Variants in ATP2C1 observed in about 807,000 individuals in gnomAD.
ATP2C1 encodes the protein ATPase secretory pathway Ca2+ transporting 1.
ATP2C1 carries 31 observed loss-of-function variants against 120.5 expected under a neutral mutation model. The ratio of observed to expected loss-of-function variants is 0.26; its 90% CI spans 0.19 to 0.35. The LOEUF (loss-of-function observed/expected upper bound fraction) is 0.35. Among genes scored for constraint, ATP2C1 ranks in the 10% least tolerant of loss-of-function variants. The probability of loss-of-function intolerance (pLI) is 1.00; values close to 1 mark genes in which losing one functional copy is unlikely to be tolerated. For missense variants in ATP2C1, 731 were observed against 1,107.5 expected (o/e 0.66, Z 4.83); for synonymous variants, 351 against 358.7 (o/e 0.98, Z 0.24).
chr3:131,011,067 AT>A (rs2063300710), intron 26 of ATP2C1, among the ~76,000 whole-genome samples: 1 of 152,196 alleles, frequency 6.6e-6, no homozygotes, highest in Non-Finnish European at 1.5e-5. Flanking sequence ...TCATTGATTT[AT>A]TTCCTTTTGT....
intron 16 of ATP2C1, 134 bp downstream of exon 16, chr3:130,967,553 A>G (rs2061102988): frequency 5.4e-6 from 4 of 745,634 alleles, no homozygotes; most frequent in African/African-American, 1.8e-5. Context: ...TGTTTTTACT[A>G]TCTTTTAGGT....
intron 20 of ATP2C1, among the ~76,000 whole-genome samples, chr3:130,991,786 T>C (rs1285485910): frequency 6.6e-6 from 1 of 152,160 alleles, no homozygotes; most frequent in East Asian, 1.9e-4. Flanking sequence ...AGTTCATCTG[T>C]AGTAAAACCA....
Position 130,999,498 on chromosome 3 carries a change from A to T in ATP2C1, c.2488-20A>T, listed in dbSNP as rs544855495. 20 of 1,612,882 alleles carry T rather than the reference A, an allele frequency of 1.2e-5. No individual in the cohort carries two copies. Among genetic ancestry groups the T allele is most frequent in the Non-Finnish European group, 1.7e-5 (20 of 1,179,342 alleles). Reference sequence around the variant, plus strand: ...TCTGTGACCAAGGAGTAATAAATGAACTCTCTGCTCTGCCAACAGACCAAG... The same window carrying T: ...TCTGTGACCAAGGAGTAATAAATGATCTCTCTGCTCTGCCAACAGACCAAG... On this transcript the variant is annotated intron_variant, in intron 26 of 27. Transcript: ENST00000510168.
At chr3:130,943,289 C>G (rs1379739876) in intron 8 of ATP2C1, among the ~76,000 whole-genome samples, 1 of 152,166 alleles carries the variant, frequency 6.6e-6, no homozygotes, top group Non-Finnish European at 1.5e-5. Context: ...GATCTCAGCT[C>G]ACTGCAGTCT....
chr3:130,998,440 A>T (rs368704690), intron 26 of ATP2C1, 51 bp downstream of exon 26: 8 of 1,350,574 alleles, frequency 5.9e-6, no homozygotes, highest in Admixed American at 1.7e-5. Flanking sequence ...ACTTGAGTAG[A>T]GTGCTTTCTA....
In ATP2C1 at chr3:130,859,543, TTTC is replaced by T. The variant is rs1224429713; in HGVS notation, c.108+8625_108+8627del. 2.0e-5 allele frequency among the ~76,000 whole-genome samples: 3 copies of T among 152,218 alleles called. No homozygotes were observed. The South Asian group carries it at 6.2e-4, about 31-fold the overall frequency. On this transcript the variant is annotated intron_variant, in intron 1 of 26. Coordinates refer to the ATP2C1 transcript ENST00000504381. ...TGTGGCACTTTAACCACTGTTGTTT[TTTC>T]TTCTTCTTCAATCAAGCCTCTTTTA...
intron 26 of ATP2C1, chr3:131,013,881 A>C (rs772911228): frequency 1.5e-5 from 8 of 528,408 alleles, no homozygotes; most frequent in Non-Finnish European, 2.3e-5. Flanking sequence ...AAGCTTCTTA[A>C]ATCAGGTTGT....
At chr3:130,988,259 C>A (rs879413929) in intron 20 of ATP2C1, among the ~76,000 whole-genome samples, 1 of 151,246 alleles carries the variant, frequency 6.6e-6, no homozygotes, top group African/African-American at 2.4e-5. Flanking sequence ...ATTTTCCTTT[C>A]TTTTTTTTTG....
At chr3:130,938,446 G>A (rs898211772) in intron 6 of ATP2C1, among the ~76,000 whole-genome samples, 13 of 152,176 alleles carry the variant, frequency 8.5e-5, no homozygotes, top group African/African-American at 3.1e-4. Context: ...TTACATCTAC[G>A]ATTTATTACG....
In ATP2C1 at chr3:130,918,713, C is replaced by A. The variant is rs149450338; in HGVS notation, c.7-11703C>A. On this transcript the variant is annotated intron_variant, in intron 2 of 27. Transcript: ENST00000510168. ...TGCATAGAAAGCAGCAGCAGTGGGCCGGGCGCGGTGGCTCACGCCTGTAAT... is the reference window on the plus strand; with the variant it reads ...TGCATAGAAAGCAGCAGCAGTGGGCAGGGCGCGGTGGCTCACGCCTGTAAT... 878 of 442,898 alleles carry A rather than the reference C, an allele frequency of 2.0e-3. 6 individuals are homozygous for A. The highest frequency in any genetic ancestry group is 0.016 in the African/African-American group (782 of 49,648). The allele number at this position is 442,898 out of a possible 1,614,324, so 27.4% of individuals were successfully genotyped here.
upstream of ATP2C1, among the ~76,000 whole-genome samples, chr3:130,891,127 C>G (rs1440500086): frequency 6.6e-6 from 1 of 152,130 alleles, no homozygotes; most frequent in Non-Finnish European, 1.5e-5. Context: ...ATTACAATTT[C>G]TTTTCTAGCA....
chr3:130,894,905 A>G lies in ATP2C1; in HGVS notation c.6+130A>G. 9.7e-7 allele frequency: 1 copy of G among 1,035,284 alleles called. No homozygotes were observed. Among genetic ancestry groups the G allele is most frequent in the East Asian group, 2.4e-5 (1 of 42,068 alleles). The allele number at this position is 1,035,284 out of a possible 1,614,324, so 64.1% of individuals were successfully genotyped here. Reference sequence around the variant, plus strand: ...ATTTACTGTGTATGTGAAGTGTCCAAGGATTTGCTTACTTAGGGTATCCAG... The same window carrying G: ...ATTTACTGTGTATGTGAAGTGTCCAGGGATTTGCTTACTTAGGGTATCCAG... On this transcript the variant is annotated intron_variant, in intron 2 of 27. Transcript: ENST00000510168. The surrounding 1 kb of genome is among the most constrained non-coding windows in gnomAD (Gnocchi z 4.5).
At chr3:130,960,898 G>A (rs745884222) in intron 12 of ATP2C1, among the ~76,000 whole-genome samples, 1 of 152,080 alleles carries the variant, frequency 6.6e-6, no homozygotes, top group Non-Finnish European at 1.5e-5. Context: ...GAAAGGGCAA[G>A]AACTTACTTA....
At chr3:130,994,162 C>T (rs1328486247) in intron 22 of ATP2C1, 64 bp downstream of exon 22, 2 of 1,581,474 alleles carry the variant, frequency 1.3e-6, no homozygotes, top group African/African-American at 1.3e-5. Context: ...GTCCCCCACC[C>T]CTAGAGAATT....
At chr3:131,003,635 A>G (rs2062990834), downstream of ATP2C1, among the ~76,000 whole-genome samples, 1 of 152,222 alleles carries the variant, frequency 6.6e-6, no homozygotes, top group African/African-American at 2.4e-5. Context: ...ATGAAACAAA[A>G]GTGAAACCAT....
At chr3:130,906,494 T>C (rs550526668) in intron 2 of ATP2C1, among the ~76,000 whole-genome samples, 10 of 152,240 alleles carry the variant, frequency 6.6e-5, no homozygotes, top group African/African-American at 2.4e-4. Flanking sequence ...TGGGTTTTTG[T>C]GTAAACATGT....
intron 2 of ATP2C1, among the ~76,000 whole-genome samples, chr3:130,929,115 A>G (rs1436628735): frequency 1.3e-5 from 2 of 152,166 alleles, no homozygotes; most frequent in Admixed American, 1.3e-4. Flanking sequence ...AATTTCAGTA[A>G]TTTGCAGTAA....
chr3:130,951,749 A>G (rs2060377331), intron 8 of ATP2C1, among the ~76,000 whole-genome samples: 1 of 152,192 alleles, frequency 6.6e-6, no homozygotes, highest in South Asian at 2.1e-4. Flanking sequence ...ATTAATGTTA[A>G]ATGCAAAATC....
intron 1 of ATP2C1, among the ~76,000 whole-genome samples, chr3:130,875,204 C>T (rs2068562116): frequency 6.6e-6 from 1 of 152,120 alleles, no homozygotes; most frequent in Non-Finnish European, 1.5e-5. Flanking sequence ...TCCCACAGTG[C>T]TATAAAACAC....
Sources: gnomAD v4.1 joint callset for allele counts (sites outside exome capture counted in the v4.1 genomes callset) on GRCh38, gnomAD v4.1.1 for gene constraint, Gnocchi (gnomAD v3.1) non-coding constraint, MANE v1.5 for transcripts, NCBI Gene and HGNC (gene_info 2026-07-23, HGNC 2026-07-21) for gene names.